F13A1: variants seen among roughly 807,000 people sequenced by gnomAD.
F13A1 encodes coagulation factor XIII A chain.
Under a neutral mutation model 80.1 loss-of-function variants are expected in F13A1, and 47 were observed. The observed-to-expected ratio is 0.59, with a 90% CI of 0.46 to 0.75. The LOEUF is 0.75. Ranked by LOEUF, F13A1 falls within the 30% of genes least tolerant of loss-of-function variation. The pLI is 0.00. For synonymous variants in F13A1, 349 were observed against 344.9 expected, an observed-to-expected ratio of 1.01 and a Z score of -0.13; for missense variants, 817 against 930.4, an observed-to-expected ratio of 0.88 and a Z score of 1.59.
chr6:6,229,526 A>T (rs141116247), intron 6 of F13A1, among the ~76,000 whole-genome samples: 1 of 152,230 alleles, frequency 6.6e-6, no homozygotes, highest in Non-Finnish European at 1.5e-5. Context: ...GAAAACAAAG[A>T]TGATACAACA....
intron 11 of F13A1, among the ~76,000 whole-genome samples, chr6:6,177,795 C>A (rs556504303): frequency 6.6e-6 from 1 of 152,108 alleles, no homozygotes; most frequent in Non-Finnish European, 1.5e-5. Flanking sequence ...GATGCTGGGA[C>A]GGAGGTTGGC....
chr6:6,195,537 G>A (rs2151082103), intron 10 of F13A1, among the ~76,000 whole-genome samples: 1 of 152,320 alleles, frequency 6.6e-6, no homozygotes, highest in Admixed American at 6.5e-5. Flanking sequence ...CTTAATGGGT[G>A]CAGAGAACTA....
intron 10 of F13A1, among the ~76,000 whole-genome samples, chr6:6,184,746 C>T (rs1761048421): frequency 6.6e-6 from 1 of 152,136 alleles, no homozygotes; most frequent in South Asian, 2.1e-4. Flanking sequence ...ATTCCTGCCC[C>T]CCCACCTTGA....
rs945973440 is a variant in F13A1, at chr6:6,243,873, G to A, written c.798+4439C>T. On this transcript the variant is annotated intron_variant, in intron 6 of 14. Coordinates refer to ENST00000264870, the MANE Select transcript of F13A1 (RefSeq NM_000129.4). The surrounding 1 kb of genome is among the most constrained non-coding windows in gnomAD (Gnocchi z 4.2). ...ATGTAGGTGTGTCACAGTGAATAAC[G>A]AGCCTTTATCTGCAGTAGCGGCAGC... Among the ~76,000 whole-genome samples the A allele has an allele frequency of 8.5e-5, 13 of 152,336 alleles. No individual in the cohort carries two copies. The East Asian group carries it at 1.7e-3, about 20-fold the overall frequency.
At chr6:6,311,009 TCTC>T (rs1758582287) in intron 2 of F13A1, among the ~76,000 whole-genome samples, 1 of 151,452 alleles carries the variant, frequency 6.6e-6, no homozygotes, top group Admixed American at 6.6e-5. Context: ...AGAAAGCATT[TCTC>T]CTCTTGATTC....
intron 3 of F13A1, among the ~76,000 whole-genome samples, chr6:6,295,673 A>C (rs1454519755): frequency 7.0e-6 from 1 of 143,652 alleles, no homozygotes; most frequent in African/African-American, 2.9e-5. Context: ...AGGTTGCAAA[A>C]ATTTTCTCCC....
chr6:6,302,940 A>G (rs1176797336), intron 3 of F13A1, among the ~76,000 whole-genome samples: 1 of 152,224 alleles, frequency 6.6e-6, no homozygotes, highest in East Asian at 1.9e-4. Context: ...TTTTACATTA[A>G]TACTCATTCC....
intron 3 of F13A1, among the ~76,000 whole-genome samples, chr6:6,297,453 A>G (rs1242735326): frequency 2.6e-5 from 4 of 150,998 alleles, no homozygotes; most frequent in African/African-American, 5.0e-5. Context: ...CAGAGATTCA[A>G]CTTCTTCCTG....
At chr6:6,306,626 G>A (rs1277910515) in intron 2 of F13A1, among the ~76,000 whole-genome samples, 2 of 152,214 alleles carry the variant, frequency 1.3e-5, no homozygotes, top group Non-Finnish European at 2.9e-5. Flanking sequence ...GTTTCTGCAT[G>A]TGCATTTGGC....
chr6:6,165,842 G>C lies in F13A1; in HGVS notation c.1908+1616C>G, dbSNP rs184435837. On this transcript the variant is annotated intron_variant, in intron 13 of 14. Transcript: ENST00000264870. Reference sequence around the variant, plus strand: ...TTGCCTGCCAACCCTGCACAGCCTCGTTTTCATTCTTTTCAGGCGTCCTGT... The same window carrying C: ...TTGCCTGCCAACCCTGCACAGCCTCCTTTTCATTCTTTTCAGGCGTCCTGT... Among the ~76,000 whole-genome samples the C allele has an allele frequency of 6.6e-5, 10 of 152,326 alleles. No individual in the cohort carries two copies. In the East Asian group the frequency reaches 1.9e-3, roughly 29 times the overall value.
At position 6,209,336 on chromosome 6, in the gene F13A1, A is replaced by C. The variant is rs566482848; in HGVS notation, c.1113-12010T>G. Among the ~76,000 whole-genome samples, 43 of 151,944 alleles carry C rather than the reference A, an allele frequency of 2.8e-4. No individual in the cohort carries two copies. In the East Asian group the frequency reaches 4.8e-3, roughly 17 times the overall value. ...TACAATAATAATTAAAAAAAAAAAAAAAACAGAAAATAAAAGTTATTTGCA... is the reference window on the plus strand; with the variant it reads ...TACAATAATAATTAAAAAAAAAAAACAAACAGAAAATAAAAGTTATTTGCA... On this transcript the variant is annotated intron_variant, in intron 8 of 14. Coordinates refer to ENST00000264870, the MANE Select transcript of F13A1 (RefSeq NM_000129.4).
chr6:6,311,878 CTA>C, intron 2 of F13A1, among the ~76,000 whole-genome samples: 1 of 145,920 alleles, frequency 6.9e-6, no homozygotes, highest in East Asian at 2.0e-4. Context: ...TATGAAAAAA[CTA>C]TAAACCCATG....
At chr6:6,264,916 G>A (rs1412433623) in intron 4 of F13A1, among the ~76,000 whole-genome samples, 1 of 152,148 alleles carries the variant, frequency 6.6e-6, no homozygotes, top group Non-Finnish European at 1.5e-5. Context: ...TGGATGTATA[G>A]GGAGTGTAGG....
chr6:6,287,792 A>G (rs1487196373), intron 3 of F13A1, among the ~76,000 whole-genome samples: 1 of 152,192 alleles, frequency 6.6e-6, no homozygotes, highest in Non-Finnish European at 1.5e-5. Flanking sequence ...AGCTAGAACT[A>G]TGGGCAAATA....
At position 6,307,739 on chromosome 6, in the gene F13A1, C is replaced by A. The variant is rs189073455; in HGVS notation, c.131-2200G>T. 1.1e-4 allele frequency among the ~76,000 whole-genome samples: 17 copies of A among 152,234 alleles called. No homozygotes were observed. The East Asian group carries it at 3.3e-3, about 29-fold the overall frequency. On this transcript the variant is annotated intron_variant, in intron 2 of 14. Coordinates refer to ENST00000264870, the MANE Select transcript of F13A1 (RefSeq NM_000129.4). ...CCTGCATGAAACATTTTCATGAGAGCCCTACTACTTGGGCTTCTAGCTTCC... is the reference window on the plus strand; with the variant it reads ...CCTGCATGAAACATTTTCATGAGAGACCTACTACTTGGGCTTCTAGCTTCC...
intron 11 of F13A1, among the ~76,000 whole-genome samples, chr6:6,181,022 A>T (rs1760973530): frequency 1.3e-5 from 2 of 152,164 alleles, no homozygotes. Context: ...CCCCATCAGG[A>T]CACTCACGGT....
At chr6:6,317,192 A>G (rs1758697844) in intron 2 of F13A1, among the ~76,000 whole-genome samples, 1 of 152,184 alleles carries the variant, frequency 6.6e-6, no homozygotes, top group Non-Finnish European at 1.5e-5. Context: ...TTTTATTTGC[A>G]TTCTTAAAGA....
At chr6:6,314,569 TCCTCATCCTCTTCCCCACTCCACCA>T (rs1758653821) in intron 2 of F13A1, among the ~76,000 whole-genome samples, 1 of 152,168 alleles carries the variant, frequency 6.6e-6, no homozygotes, top group African/African-American at 2.4e-5. Context: ...CAGGAAGCCC[TCCTCATCCTCTTCCCCACTCCACCA>T]CACCGCTAGA....
chr6:6,205,352 A>T (rs1761467773), intron 8 of F13A1, among the ~76,000 whole-genome samples: 1 of 152,204 alleles, frequency 6.6e-6, no homozygotes, highest in Non-Finnish European at 1.5e-5. Context: ...AAGTGCTCAG[A>T]CACAGGCATG....
Sources: allele counts gnomAD v4.1 joint callset (sites outside exome capture counted in the v4.1 genomes callset), GRCh38; gene constraint gnomAD v4.1.1; non-coding constraint Gnocchi (gnomAD v3.1); transcripts MANE v1.5; gene names NCBI Gene and HGNC (gene_info 2026-07-23, HGNC 2026-07-21).